The following TEAD1 variants were observed in gnomAD, a reference collection of about 807,000 sequenced individuals.
TEAD1 encodes the protein transcriptional enhancer factor TEF-1.
A neutral mutation model predicts 54.9 loss-of-function variants in TEAD1; 9 were observed. That is an observed-to-expected ratio of 0.16 (90% CI 0.10 to 0.29). TEAD1 has a LOEUF of 0.29. Ranked by LOEUF, TEAD1 falls within the 10% of genes least tolerant of loss-of-function variation. TEAD1 has a pLI of 1.00. For missense variants in TEAD1, 387 were observed against 535.9 expected (o/e 0.72, Z 2.74); for synonymous variants, 200 against 187.8 (o/e 1.07, Z -0.53).
intron 2 of TEAD1, among the ~76,000 whole-genome samples, chr11:12,685,092 G>C (rs1943305663): frequency 6.6e-6 from 1 of 152,200 alleles, no homozygotes. Context: ...GGCCACTCCT[G>C]GTGACTGGTC....
At chr11:12,926,025 GAAT>G (rs1230073721) in intron 11 of TEAD1, among the ~76,000 whole-genome samples, 1 of 152,086 alleles carries the variant, frequency 6.6e-6, no homozygotes, top group East Asian at 1.9e-4. Context: ...TTGCTTTGTT[GAAT>G]AATGTTTGTT....
chr11:12,818,670 A>G (rs1029159518), intron 3 of TEAD1, among the ~76,000 whole-genome samples: 3 of 152,194 alleles, frequency 2.0e-5, no homozygotes, highest in African/African-American at 7.2e-5. Context: ...GAGGAGGTTC[A>G]ATATCAATGG....
At chr11:12,892,813 G>A (rs923856685) in intron 9 of TEAD1, among the ~76,000 whole-genome samples, 2 of 152,096 alleles carry the variant, frequency 1.3e-5, no homozygotes, top group African/African-American at 4.8e-5. Context: ...TCCATCTTGG[G>A]GTGGAGAATG....
At chr11:12,716,326 A>G (rs1370471930) in intron 2 of TEAD1, among the ~76,000 whole-genome samples, 2 of 145,296 alleles carry the variant, frequency 1.4e-5, no homozygotes, top group Admixed American at 6.6e-5. Context: ...GTGACTTCCT[A>G]GGAGTTCACG....
intron 3 of TEAD1, chr11:12,823,560 C>CT (rs764833878): frequency 1.3e-5 from 2 of 152,210 alleles, no homozygotes; most frequent in East Asian, 3.8e-4. Context: ...ACAAGAGATG[C>CT]TTTTTCTAGT....
At chr11:12,715,013 T>G (rs1480504768) in intron 2 of TEAD1, among the ~76,000 whole-genome samples, 1 of 152,142 alleles carries the variant, frequency 6.6e-6, no homozygotes, top group Non-Finnish European at 1.5e-5. Context: ...CCCATAACAA[T>G]TCCGCAGTTC....
At chr11:12,856,303 A>G (rs1262073588) in intron 3 of TEAD1, among the ~76,000 whole-genome samples, 1 of 152,148 alleles carries the variant, frequency 6.6e-6, no homozygotes, top group African/African-American at 2.4e-5. Flanking sequence ...CAAGGACTTT[A>G]TGACTTGGTT....
intron 3 of TEAD1, among the ~76,000 whole-genome samples, chr11:12,800,528 T>TA (rs536609064): frequency 1.3e-5 from 2 of 152,246 alleles, no homozygotes; most frequent in South Asian, 4.1e-4. Flanking sequence ...AGAGGGCTGA[T>TA]AAGGGAGGGG....
intron 3 of TEAD1, among the ~76,000 whole-genome samples, chr11:12,811,687 GA>G (rs1946303337): frequency 6.6e-6 from 1 of 152,166 alleles, no homozygotes; most frequent in Non-Finnish European, 1.5e-5. Context: ...CAGGGAATCA[GA>G]GAGGAACAGT....
At chr11:12,796,028 A>T (rs1945911939) in intron 3 of TEAD1, among the ~76,000 whole-genome samples, 1 of 152,110 alleles carries the variant, frequency 6.6e-6, no homozygotes, top group Non-Finnish European at 1.5e-5. Context: ...TTCAATATTG[A>T]GGTTGAGAAT....
intron 3 of TEAD1, among the ~76,000 whole-genome samples, chr11:12,847,972 G>A (rs1419350792): frequency 6.6e-6 from 1 of 152,198 alleles, no homozygotes; most frequent in African/African-American, 2.4e-5. Flanking sequence ...TAGCTGGTAT[G>A]GGGTTACCTC....
At chr11:12,831,276 T>G (rs1946774826) in intron 3 of TEAD1, among the ~76,000 whole-genome samples, 1 of 152,174 alleles carries the variant, frequency 6.6e-6, no homozygotes, top group Non-Finnish European at 1.5e-5. Context: ...ATGAATTCTT[T>G]CCTATAGAGC....
intron 3 of TEAD1, among the ~76,000 whole-genome samples, chr11:12,777,343 A>G (rs1485735434): frequency 6.6e-6 from 1 of 152,222 alleles, no homozygotes; most frequent in Non-Finnish European, 1.5e-5. Context: ...CCATTTACAA[A>G]GGTCCCAATT....
Position 12,722,611 on chromosome 11 carries a change from G to C in TEAD1, c.-54-41568G>C, listed in dbSNP as rs565585715. Among the ~76,000 whole-genome samples the C allele has an allele frequency of 3.3e-5, 5 of 151,414 alleles. No homozygotes were observed. In the South Asian group the frequency reaches 1.0e-3, roughly 32 times the overall value. The stretch of plus-strand genomic sequence containing the variant: ...CTGATGGATTATTTGAATGTGAGTT[G>C]AGTCGCTGCATATATACCCTGTGAT... On this transcript the variant is annotated intron_variant, in intron 2 of 12. Transcript: ENST00000527636.
chr11:12,721,678 C>T (rs1376154705), intron 2 of TEAD1, among the ~76,000 whole-genome samples: 5 of 152,094 alleles, frequency 3.3e-5, no homozygotes, highest in African/African-American at 9.7e-5. Context: ...CGTCTGTTAG[C>T]CCAGGAATTA....
intron 2 of TEAD1, among the ~76,000 whole-genome samples, chr11:12,695,633 G>T (rs1022331564): frequency 1.3e-5 from 2 of 152,196 alleles, no homozygotes; most frequent in Non-Finnish European, 2.9e-5. Flanking sequence ...CACAGCCCAT[G>T]ATCTGTGAGG....
rs967528684 is a variant in TEAD1, at chr11:12,675,056, A to T, written c.-208+222A>T. Among the ~76,000 whole-genome samples the T allele has an allele frequency of 1.9e-3, 273 of 145,730 alleles. 1 individual carries two copies. Among genetic ancestry groups the T allele is most frequent in the African/African-American group, 6.6e-3 (267 of 40,420 alleles). On this transcript the variant is annotated intron_variant, in intron 1 of 12. Coordinates refer to ENST00000527636, the MANE Select transcript of TEAD1 (RefSeq NM_021961.6). ...CCGCCGCGCGACTTGCCAGGACGCC[A>T]AGTTGGGCCGCGCGCTGGGAGCCCG... is the stretch of plus-strand genomic sequence containing the variant.
intron 2 of TEAD1, among the ~76,000 whole-genome samples, chr11:12,710,021 TAA>T (rs10716753): frequency 0.13 from 19,443 of 149,030 alleles, 4,097 homozygotes; most frequent in African/African-American, 0.45. Flanking sequence ...ACCAAATTGT[TAA>T]AAAAAAAAAA....
At chr11:12,891,555 G>A (rs1783749848) in intron 9 of TEAD1, among the ~76,000 whole-genome samples, 1 of 152,368 alleles carries the variant, frequency 6.6e-6, no homozygotes, top group Admixed American at 6.5e-5. Context: ...GATAAGATTT[G>A]AAGAGTCCTG....
Sources: allele counts gnomAD v4.1 joint callset (sites outside exome capture counted in the v4.1 genomes callset), GRCh38; gene constraint gnomAD v4.1.1; transcripts MANE v1.5; gene names NCBI Gene and HGNC (gene_info 2026-07-23, HGNC 2026-07-21).